The following CDH13 variants were observed in gnomAD, a reference collection of about 807,000 sequenced individuals.
The protein encoded by CDH13 is cadherin 13, also known as cadherin-13.
CDH13 carries 24 observed loss-of-function variants against 63.8 expected under a neutral mutation model. The ratio of observed to expected loss-of-function variants is 0.38; its 90% CI spans 0.27 to 0.53. The LOEUF is 0.53. Among genes scored for constraint, CDH13 ranks in the 20% least tolerant of loss-of-function variants. The pLI, the probability that CDH13 is intolerant of heterozygous loss-of-function variation, is 0.85. For missense variants in CDH13, 1,049 were observed against 903.1 expected (o/e 1.16, Z -2.07); for synonymous variants, 503 against 355.3 (o/e 1.42, Z -4.67).
intron 7 of CDH13, among the ~76,000 whole-genome samples, chr16:83,535,266 C>T (rs2075161747): frequency 6.6e-6 from 1 of 152,184 alleles, no homozygotes. Flanking sequence ...GAGACACAGG[C>T]TTTTATTGGC....
At chr16:82,825,108 C>G (rs1363617621) in intron 1 of CDH13, 1 of 152,126 alleles carries the variant, frequency 6.6e-6, no homozygotes, top group Non-Finnish European at 1.5e-5. Context: ...GTTCATCATA[C>G]GAATCTCTCC....
chr16:83,605,842 A>C (rs187106168), intron 8 of CDH13, among the ~76,000 whole-genome samples: 1 of 152,380 alleles, frequency 6.6e-6, no homozygotes, highest in East Asian at 1.9e-4. Context: ...AATCTGCTCA[A>C]GCACTTCAAA....
chr16:83,458,857 T>C (rs1164006782), intron 6 of CDH13, among the ~76,000 whole-genome samples: 1 of 152,220 alleles, frequency 6.6e-6, no homozygotes, highest in Non-Finnish European at 1.5e-5. Flanking sequence ...GAGATTTCAG[T>C]TTCACTGCAG....
intron 4 of CDH13, chr16:83,181,085 G>A (rs2038335752): frequency 1.5e-6 from 2 of 1,310,686 alleles, no homozygotes; most frequent in African/African-American, 1.5e-5. Context: ...AAATTGTCCT[G>A]TTGACTGAAT....
At chr16:83,128,143 G>A (rs535398225) in intron 4 of CDH13, among the ~76,000 whole-genome samples, 1 of 152,220 alleles carries the variant, frequency 6.6e-6, no homozygotes, top group Non-Finnish European at 1.5e-5. Context: ...CACTTAAAAT[G>A]CAGATGTCAG....
chr16:82,940,963 A>T (rs926980537), intron 2 of CDH13, among the ~76,000 whole-genome samples: 3 of 152,212 alleles, frequency 2.0e-5, no homozygotes, highest in Non-Finnish European at 4.4e-5. Flanking sequence ...AGTGCAACTC[A>T]TCCCCAAATG....
chr16:83,430,001 A>T (rs1438137375), intron 6 of CDH13, among the ~76,000 whole-genome samples: 1 of 152,110 alleles, frequency 6.6e-6, no homozygotes, highest in African/African-American at 2.4e-5. Context: ...GAGTCTATAA[A>T]TTGGACTGTT....
At chr16:83,084,252 G>C (rs1344339607) in intron 3 of CDH13, among the ~76,000 whole-genome samples, 1 of 152,214 alleles carries the variant, frequency 6.6e-6, no homozygotes, top group Non-Finnish European at 1.5e-5. Flanking sequence ...GGCGAATTTA[G>C]CAAGGGGTAG....
intron 7 of CDH13, among the ~76,000 whole-genome samples, chr16:83,551,942 A>G (rs1468001519): frequency 6.6e-6 from 1 of 152,216 alleles, no homozygotes; most frequent in African/African-American, 2.4e-5. Flanking sequence ...ATGGGTAGAT[A>G]AGTGGATAGG....
At chr16:83,244,495 C>G (rs1165812842) in intron 5 of CDH13, among the ~76,000 whole-genome samples, 3 of 152,300 alleles carry the variant, frequency 2.0e-5, no homozygotes, top group Non-Finnish European at 4.4e-5. Context: ...CATACATTCT[C>G]TAAGTCTGTG....
chr16:83,262,568 AC>A (rs1907121006), intron 5 of CDH13, among the ~76,000 whole-genome samples: 1 of 152,146 alleles, frequency 6.6e-6, no homozygotes, highest in Non-Finnish European at 1.5e-5. Context: ...TTTGCTGGAG[AC>A]CCTAGAGAAT....
chr16:82,879,366 A>G (rs2040614339), intron 2 of CDH13, among the ~76,000 whole-genome samples: 2 of 151,416 alleles, frequency 1.3e-5, no homozygotes, highest in South Asian at 2.1e-4. Flanking sequence ...CATTAATGTC[A>G]TCTGATCATG....
intron 7 of CDH13, among the ~76,000 whole-genome samples, chr16:83,563,418 A>AT (rs1477764542): frequency 1.3e-5 from 2 of 152,038 alleles, no homozygotes; most frequent in Non-Finnish European, 2.9e-5. Context: ...TCCTGAAAAA[A>AT]GGTTAAATTT....
At chr16:83,467,261 A>G (rs2073338810) in intron 6 of CDH13, among the ~76,000 whole-genome samples, 1 of 152,234 alleles carries the variant, frequency 6.6e-6, no homozygotes, top group African/African-American at 2.4e-5. Flanking sequence ...AAGATTGGAA[A>G]GAAATGAAGA....
intron 10 of CDH13, among the ~76,000 whole-genome samples, chr16:83,745,798 C>T (rs1162631696): frequency 6.6e-6 from 1 of 152,206 alleles, no homozygotes; most frequent in African/African-American, 2.4e-5. Context: ...CCACCTACAT[C>T]TGAATAATCC....
At chr16:83,427,278 G>A (rs2071939996) in intron 6 of CDH13, among the ~76,000 whole-genome samples, 1 of 150,874 alleles carries the variant, frequency 6.6e-6, no homozygotes, top group African/African-American at 2.5e-5. Context: ...ATCTTGAGAT[G>A]GAGACAGTGT....
chr16:82,704,332 G>A (rs970184915), intron 1 of CDH13, among the ~76,000 whole-genome samples: 12 of 152,244 alleles, frequency 7.9e-5, no homozygotes, highest in Admixed American at 3.9e-4. Context: ...GTGTCCACCC[G>A]GATTGCTCTG....
intron 2 of CDH13, among the ~76,000 whole-genome samples, chr16:82,957,605 C>A (rs1232903160): frequency 2.0e-5 from 3 of 152,200 alleles, no homozygotes; most frequent in Non-Finnish European, 4.4e-5. Context: ...AACAAACATG[C>A]AGGGCAGTAT....
chr16:82,690,032 G>C (rs1915485747), intron 1 of CDH13, among the ~76,000 whole-genome samples: 1 of 128,766 alleles, frequency 7.8e-6, no homozygotes, highest in East Asian at 2.4e-4. Context: ...GCCAGGCATG[G>C]TGTTGCATGC....
Sources: gnomAD v4.1 joint callset for allele counts (sites outside exome capture counted in the v4.1 genomes callset) on GRCh38, gnomAD v4.1.1 for gene constraint, MANE v1.5 for transcripts, NCBI Gene and HGNC (gene_info 2026-07-23, HGNC 2026-07-21) for gene names.